The following ME1 variants were observed in gnomAD, a reference collection of about 807,000 sequenced individuals.
ME1 encodes the protein malic enzyme 1.
A neutral mutation model predicts 66.4 loss-of-function variants in ME1; 74 were observed. That is an observed-to-expected ratio of 1.11 (90% CI 0.92 to 1.35). The LOEUF is 1.35. Ranked by LOEUF, ME1 falls within the 40% of genes most tolerant of loss-of-function variation. The pLI is 0.00. For missense variants in ME1, 750 were observed against 694.1 expected (o/e 1.08, Z -0.90); for synonymous variants, 251 against 235.6 (o/e 1.07, Z -0.60).
chr6:83,346,394 C>G, intron 4 of ME1, 60 bp from the exon 5 acceptor site: 1 of 1,236,620 alleles, frequency 8.1e-7, no homozygotes, highest in Non-Finnish European at 1.1e-6. Flanking sequence ...GACACAATTT[C>G]TGACTCTATT....
At chr6:83,274,495 C>A (rs1348297089) in intron 6 of ME1, among the ~76,000 whole-genome samples, 1 of 152,096 alleles carries the variant, frequency 6.6e-6, no homozygotes, top group Non-Finnish European at 1.5e-5. Context: ...TACTAAAAAA[C>A]TTTTTTTCAA....
At chr6:83,252,291 TTGC>T (rs1407028540) in intron 7 of ME1, among the ~76,000 whole-genome samples, 2 of 152,124 alleles carry the variant, frequency 1.3e-5, no homozygotes, top group African/African-American at 2.4e-5. Context: ...GTTGTTGTTG[TTGC>T]TGTTGTTGTT....
intron 6 of ME1, among the ~76,000 whole-genome samples, chr6:83,287,180 G>A (rs9344346): frequency 6.6e-6 from 1 of 152,004 alleles, no homozygotes; most frequent in Non-Finnish European, 1.5e-5. Context: ...TATACTTGAA[G>A]TTCTGGGTTA....
chr6:83,278,976 T>C (rs1562467422), intron 6 of ME1, among the ~76,000 whole-genome samples: 2 of 152,114 alleles, frequency 1.3e-5, no homozygotes, highest in Non-Finnish European at 2.9e-5. Flanking sequence ...CAGCCAATCA[T>C]AGGACTATAG....
At chr6:83,256,598 G>C (rs1295020775) in intron 6 of ME1, among the ~76,000 whole-genome samples, 2 of 152,168 alleles carry the variant, frequency 1.3e-5, no homozygotes, top group Admixed American at 6.5e-5. Flanking sequence ...TAATGGGAGT[G>C]TTAATTAGTT....
Position 83,239,641 on chromosome 6 carries a change from A to G in ME1, c.815-5T>C. 6.2e-7 allele frequency: 1 copy of G among 1,600,112 alleles called. No homozygotes were observed. On this transcript the variant is annotated splice_region_variant and splice_polypyrimidine_tract_variant and intron_variant, in intron 7 of 13. Coordinates refer to ENST00000369705, the MANE Select transcript of ME1 (RefSeq NM_002395.6). ...CAACTGCAACAGATGCTGTTCCTGA[A>G]ACAAGTAATAAATATCCTTGAGTAA... is the stretch of plus-strand genomic sequence containing the variant.
At chr6:83,328,317 G>C (rs1416101777) in intron 5 of ME1, among the ~76,000 whole-genome samples, 1 of 152,092 alleles carries the variant, frequency 6.6e-6, no homozygotes, top group Non-Finnish European at 1.5e-5. Flanking sequence ...GGCATGTCAG[G>C]GGGTGGAAGG....
At chr6:83,360,469 G>A (rs1272488362) in intron 3 of ME1, among the ~76,000 whole-genome samples, 1 of 152,128 alleles carries the variant, frequency 6.6e-6, no homozygotes, top group African/African-American at 2.4e-5. Context: ...TGAGTCCCTG[G>A]ACTCATCCTA....
chr6:83,330,254 T>A (rs1359473283), intron 5 of ME1, among the ~76,000 whole-genome samples: 12 of 152,222 alleles, frequency 7.9e-5, no homozygotes. Flanking sequence ...CAGAAAATTA[T>A]TTTCTTTGTT....
At chr6:83,265,017 A>G (rs1268841611) in intron 6 of ME1, among the ~76,000 whole-genome samples, 1 of 152,186 alleles carries the variant, frequency 6.6e-6, no homozygotes, top group East Asian at 1.9e-4. Flanking sequence ...TGAAAGGAAG[A>G]GTCAATTGAT....
At chr6:83,427,254 TACAA>T (rs1341419242) in intron 1 of ME1, among the ~76,000 whole-genome samples, 22 of 152,298 alleles carry the variant, frequency 1.4e-4, no homozygotes, top group Admixed American at 1.1e-3. Flanking sequence ...CATATTTTAA[TACAA>T]ACAAATAGTA....
intron 2 of ME1, among the ~76,000 whole-genome samples, chr6:83,403,876 A>G (rs1769882784): frequency 6.6e-6 from 1 of 152,202 alleles, no homozygotes; most frequent in South Asian, 2.1e-4. Context: ...TATATGTGCC[A>G]CATTTCCTTC....
intron 3 of ME1, among the ~76,000 whole-genome samples, chr6:83,393,863 G>T (rs1010008633): frequency 5.3e-5 from 8 of 151,956 alleles, no homozygotes; most frequent in African/African-American, 1.7e-4. Flanking sequence ...GCAAGAAATA[G>T]TTCATACAGT....
chr6:83,348,112 T>C (rs1279878448), intron 4 of ME1, among the ~76,000 whole-genome samples: 1 of 152,230 alleles, frequency 6.6e-6, no homozygotes, highest in Non-Finnish European at 1.5e-5. Flanking sequence ...ATTCAATACA[T>C]TTGTCTTTGG....
At chr6:83,419,901 G>GTAGT (rs1319560786) in intron 1 of ME1, among the ~76,000 whole-genome samples, 1 of 152,100 alleles carries the variant, frequency 6.6e-6, no homozygotes, top group Non-Finnish European at 1.5e-5. Flanking sequence ...TGACTCCCCT[G>GTAGT]TAGTTATATG....
At chr6:83,369,671 C>G (rs12200510) in intron 3 of ME1, among the ~76,000 whole-genome samples, 3,481 of 72,276 alleles carry the variant, frequency 0.048, 238 homozygotes, top group African/African-American at 0.21. Flanking sequence ...AAGGAAGGAA[C>G]GAAGGAAGGA....
chr6:83,299,714 T>C (rs1318523286), intron 6 of ME1, among the ~76,000 whole-genome samples: 1 of 152,202 alleles, frequency 6.6e-6, no homozygotes, highest in Non-Finnish European at 1.5e-5. Context: ...TTTTGCCCAT[T>C]CAGTATGATA....
At chr6:83,397,013 A>T (rs1437916457) in intron 3 of ME1, among the ~76,000 whole-genome samples, 2 of 152,200 alleles carry the variant, frequency 1.3e-5, no homozygotes, top group African/African-American at 4.8e-5. Flanking sequence ...AAAATGTAAG[A>T]CTTGAAACTA....
intron 6 of ME1, among the ~76,000 whole-genome samples, chr6:83,313,144 T>A (rs1013166819): frequency 2.6e-5 from 4 of 152,250 alleles, no homozygotes; most frequent in African/African-American, 9.6e-5. Flanking sequence ...TTAAGTTATG[T>A]TTCTTTTTAA....
Sources: allele counts gnomAD v4.1 joint callset (sites outside exome capture counted in the v4.1 genomes callset), GRCh38; gene constraint gnomAD v4.1.1; transcripts MANE v1.5; gene names NCBI Gene and HGNC (gene_info 2026-07-23, HGNC 2026-07-21).